KTN1: variants seen among roughly 807,000 people sequenced by gnomAD.
KTN1 encodes the protein kinectin.
A neutral mutation model predicts 222.5 loss-of-function variants in KTN1; 130 were observed. That is an observed-to-expected ratio of 0.58 (90% CI 0.51 to 0.68). The LOEUF (loss-of-function observed/expected upper bound fraction) is 0.68, where lower values mean the gene tolerates loss of function less well. Ranked by LOEUF, KTN1 falls within the 30% of genes least tolerant of loss-of-function variation. KTN1 has a pLI of 0.00. For synonymous variants in KTN1, 512 were observed against 496.3 expected (o/e 1.03, Z -0.42); for missense variants, 1,508 against 1,500.4 (o/e 1.01, Z -0.08).
intron 28 of KTN1, among the ~76,000 whole-genome samples, chr14:55,655,028 G>A (rs2043323803): frequency 6.6e-6 from 1 of 152,014 alleles, no homozygotes; most frequent in South Asian, 2.1e-4. Flanking sequence ...GGCCCAGGCT[G>A]GAGTACATGG....
At chr14:55,600,332 T>G (rs1326669346) in intron 1 of KTN1, among the ~76,000 whole-genome samples, 2 of 151,916 alleles carry the variant, frequency 1.3e-5, no homozygotes, top group Non-Finnish European at 2.9e-5. Flanking sequence ...TTGAAGTAAG[T>G]TTTTCTATTT....
chr14:55,598,959 A>G (rs577951260), intron 1 of KTN1, among the ~76,000 whole-genome samples: 1 of 152,088 alleles, frequency 6.6e-6, no homozygotes, highest in Non-Finnish European at 1.5e-5. Context: ...TTTATTGGAC[A>G]TTCTCATGTA....
At chr14:55,637,652 G>T in intron 11 of KTN1, 127 bp from the exon 12 acceptor site, 4 of 660,762 alleles carry the variant, frequency 6.1e-6, no homozygotes, top group Non-Finnish European at 7.7e-6. Context: ...ATGCCTTTTG[G>T]AATCTAAGAA....
At position 55,611,999 on chromosome 14, in the gene KTN1, C is replaced by T. The variant is rs777698782; in HGVS notation, c.-30-20C>T. 2.8e-6 allele frequency: 3 copies of T among 1,070,604 alleles called. No homozygotes were observed. The highest frequency in any genetic ancestry group is 2.5e-6 in the Non-Finnish European group (2 of 795,736). The allele number at this position is 1,070,604 out of a possible 1,614,324, so 66.3% of individuals were successfully genotyped here. ...ACAGGTTCTTTTTTTTTTTTTGTCC[C>T]CACCTTCTTCCCTATTTAGGTTTTA... On this transcript the variant is annotated intron_variant, in intron 1 of 43. Coordinates refer to ENST00000395314, the MANE Select transcript of KTN1 (RefSeq NM_001079521.2).
chr14:55,672,991 C>G lies in KTN1; in HGVS notation c.3666C>G (p.Thr1222=), dbSNP rs2045578310. The G allele has an allele frequency of 6.2e-7, 1 of 1,612,302 alleles. No individual in the cohort carries two copies. The highest frequency in any genetic ancestry group is 8.5e-7 in the Non-Finnish European group (1 of 1,178,556). ...ELEKAEMERS[T]YVTEVRELKD... ...AAAAGGCAGAGATGGAACGATCTAC[C>G]TATGTTACAGAAGTCAGAGAGGTAC... The change falls in exon 39 of 44, where the codon ACC becomes ACG. Residue 1222 remains threonine, a synonymous_variant. Coordinates refer to ENST00000395314, the MANE Select transcript of KTN1 (RefSeq NM_001079521.2).
At chr14:55,665,861 G>C (rs74053658) in intron 33 of KTN1, among the ~76,000 whole-genome samples, 3,551 of 151,964 alleles carry the variant, frequency 0.023, 120 homozygotes, top group African/African-American at 0.076. Context: ...CCAAATAAAA[G>C]TAACTTCCCA....
intron 9 of KTN1, 24 bp downstream of exon 9, chr14:55,634,682 G>A: frequency 6.3e-7 from 1 of 1,594,742 alleles, no homozygotes; most frequent in Non-Finnish European, 8.5e-7. Context: ...ACCTTTATTT[G>A]TCATTTCATG....
rs143881240 is a variant in KTN1, at chr14:55,619,229, A to G, written c.880A>G (p.Met294Val). Residue 294 changes from methionine to valine, a missense_variant, in exon 5 of 44, where the codon ATG (methionine) becomes GTG (valine). Transcript: ENST00000395314. ...AGATTTTCTTCTGTCCTTGAAGACT[A>G]TGATGTTTTCTGAAGATGAGGCTCT... ...FKDFLLSLKT[M>V]MFSEDEALCV... 7.2e-5 allele frequency: 116 copies of G among 1,608,506 alleles called. No homozygotes were observed. The highest frequency in any genetic ancestry group is 8.3e-5 in the Non-Finnish European group (97 of 1,175,238).
chr14:55,589,427 T>C (rs112306275), intron 1 of KTN1, among the ~76,000 whole-genome samples: 8 of 151,886 alleles, frequency 5.3e-5, no homozygotes, highest in African/African-American at 1.5e-4. Context: ...GCGATTCTAC[T>C]GCCTCCTGAG....
intron 1 of KTN1, among the ~76,000 whole-genome samples, chr14:55,604,380 A>G (rs1377946720): frequency 6.6e-6 from 1 of 152,128 alleles, no homozygotes; most frequent in African/African-American, 2.4e-5. Flanking sequence ...GTCATTTTTT[A>G]AAAATGAGAT....
chr14:55,604,627 T>C (rs911423779), intron 1 of KTN1, among the ~76,000 whole-genome samples: 1 of 152,252 alleles, frequency 6.6e-6, no homozygotes, highest in African/African-American at 2.4e-5. Context: ...CTTAGTAGAA[T>C]GTTAGCTCTG....
chr14:55,583,547 T>C (rs1417040495), intron 1 of KTN1, among the ~76,000 whole-genome samples: 1 of 152,244 alleles, frequency 6.6e-6, no homozygotes, highest in Non-Finnish European at 1.5e-5. Context: ...GTTTGCACTC[T>C]TCTTCCAGGA....
chr14:55,654,143 T>C (rs575341784), intron 28 of KTN1, among the ~76,000 whole-genome samples: 83 of 152,174 alleles, frequency 5.5e-4, no homozygotes, highest in Non-Finnish European at 1.1e-3. Flanking sequence ...TGTTTTATTC[T>C]AGAGAGTCTG....
intron 24 of KTN1, among the ~76,000 whole-genome samples, chr14:55,650,933 C>T (rs1256932584): frequency 1.4e-4 from 22 of 151,784 alleles, no homozygotes; most frequent in Non-Finnish European, 1.5e-5. Context: ...TTTTTAATCC[C>T]CCTGCCCCCT....
chr14:55,598,434 C>CAAA (rs555607541), intron 1 of KTN1, among the ~76,000 whole-genome samples: 3 of 57,792 alleles, frequency 5.2e-5, no homozygotes, highest in African/African-American at 2.0e-4. Flanking sequence ...GACTCCATCT[C>CAAA]AAAAAAAAAA....
chr14:55,650,031 A>G (rs1323147333), intron 22 of KTN1, among the ~76,000 whole-genome samples: 1 of 151,586 alleles, frequency 6.6e-6, no homozygotes, highest in Non-Finnish European at 1.5e-5. Flanking sequence ...TTTCCAGAGG[A>G]TGGGAGTCAG....
At chr14:55,655,209 G>C (rs1241014705) in intron 28 of KTN1, among the ~76,000 whole-genome samples, 5 of 152,058 alleles carry the variant, frequency 3.3e-5, no homozygotes, top group Admixed American at 6.6e-5. Flanking sequence ...GATCTCCTGG[G>C]CTTGAGTGAT....
rs1295323235 is a variant in KTN1 at position 55,684,136 on chromosome 14, A to C, written c.*33A>C. ...GGGAAACTGTTCATTTGAGGATAAA[A>C]AAGGCATTGTATTATATTTTGCCAA... On this transcript the variant is annotated 3_prime_UTR_variant, in exon 44 of 44. Transcript: ENST00000395314. The C allele has an allele frequency of 5.7e-6, 9 of 1,574,454 alleles. No homozygotes were observed. The African/African-American group carries it at 1.2e-4, about 21-fold the overall frequency.
intron 1 of KTN1, among the ~76,000 whole-genome samples, chr14:55,583,784 G>T (rs145346333): frequency 6.4e-4 from 97 of 152,298 alleles, no homozygotes; most frequent in African/African-American, 2.2e-3. Context: ...CCACTTGGAT[G>T]TGCAGTAGTC....
Sources: gnomAD v4.1 joint callset for allele counts (sites outside exome capture counted in the v4.1 genomes callset) on GRCh38, gnomAD v4.1.1 for gene constraint, MANE v1.5 for transcripts, NCBI Gene and HGNC (gene_info 2026-07-23, HGNC 2026-07-21) for gene names.